Variants in FOXP1 observed in about 807,000 individuals in gnomAD.
FOXP1 encodes forkhead box protein P1.
In FOXP1, 15 loss-of-function variants were observed where a neutral mutation model predicts 98.2. The ratio of observed to expected loss-of-function variants is 0.15; its 90% confidence interval spans 0.10 to 0.24. FOXP1 has a LOEUF of 0.24. Among genes scored for constraint, FOXP1 ranks in the 10% least tolerant of loss-of-function variants. FOXP1 has a pLI of 1.00. For missense variants in FOXP1, 633 were observed against 848.5 expected, an observed-to-expected ratio of 0.75 and a Z score of 3.15; for synonymous variants, 371 against 314.5, an observed-to-expected ratio of 1.18 and a Z score of -1.90.
chr3:71,420,969 T>C (rs1465974702), intron 3 of FOXP1, among the ~76,000 whole-genome samples: 1 of 152,140 alleles, frequency 6.6e-6, no homozygotes, highest in African/African-American at 2.4e-5. Flanking sequence ...CTATGCCCAG[T>C]GAATGAAATC....
rs551972809 is a variant in FOXP1 at position 71,546,885 on chromosome 3, T to G, written c.-298+34664A>C. Among the ~76,000 whole-genome samples the G allele has an allele frequency of 3.8e-4, 58 of 152,106 alleles. 1 individual carries two copies. Among genetic ancestry groups the G allele is most frequent in the African/African-American group, 1.3e-3 (54 of 41,496 alleles). On this transcript the variant is annotated intron_variant, in intron 2 of 20. Transcript: ENST00000649528. ...TTGAGCTTTCATCTGAAAATAAAACTGAAGGGTCAATTTTCATCATGAGCT... is the reference window on the plus strand; with the variant it reads ...TTGAGCTTTCATCTGAAAATAAAACGGAAGGGTCAATTTTCATCATGAGCT...
chr3:71,183,961 T>C (rs563764679), intron 6 of FOXP1, among the ~76,000 whole-genome samples: 62 of 152,292 alleles, frequency 4.1e-4, no homozygotes, highest in South Asian at 1.2e-3. Context: ...GAGACCAGCC[T>C]GACCAACATG....
intron 6 of FOXP1, among the ~76,000 whole-genome samples, chr3:71,125,988 T>C (rs895032580): frequency 6.6e-6 from 1 of 152,182 alleles, no homozygotes; most frequent in Non-Finnish European, 1.5e-5. Context: ...GTCAAATTGA[T>C]ACATGTAAAG....
intron 6 of FOXP1, among the ~76,000 whole-genome samples, chr3:71,144,305 G>A (rs942878606): frequency 6.6e-6 from 1 of 152,198 alleles, no homozygotes; most frequent in Non-Finnish European, 1.5e-5. Flanking sequence ...TCTCAGGGCT[G>A]GAGAATGAGC....
At chr3:71,428,631 C>T (rs900267942) in intron 3 of FOXP1, among the ~76,000 whole-genome samples, 21 of 152,300 alleles carry the variant, frequency 1.4e-4, no homozygotes, top group East Asian at 1.9e-4. Flanking sequence ...AAGAGGCCCC[C>T]CTATGAAATG....
At chr3:71,202,161 C>T (rs978880692) in intron 5 of FOXP1, among the ~76,000 whole-genome samples, 2 of 152,188 alleles carry the variant, frequency 1.3e-5, no homozygotes, top group African/African-American at 2.4e-5. Context: ...GCCAAGTCCT[C>T]CAGTACAAGT....
At chr3:71,277,431 C>T (rs1320966516) in intron 5 of FOXP1, among the ~76,000 whole-genome samples, 2 of 152,004 alleles carry the variant, frequency 1.3e-5, no homozygotes, top group African/African-American at 4.8e-5. Flanking sequence ...TGCATATATA[C>T]AGCACAATTT....
In FOXP1 at chr3:71,335,445, A is replaced by T. The variant is rs147708613; in HGVS notation, c.-73+23705T>A. Among the ~76,000 whole-genome samples the T allele has an allele frequency of 1.9e-3, 294 of 152,302 alleles. 1 individual carries two copies. Among genetic ancestry groups the T allele is most frequent in the African/African-American group, 6.9e-3 (285 of 41,560 alleles). The stretch of plus-strand genomic sequence containing the variant: ...AAATAAGCAGATGGGCAATTATGGG[A>T]TATTCTAATGCTACCATCCCCTTTG... On this transcript the variant is annotated intron_variant, in intron 4 of 20. Transcript: ENST00000649528.
At chr3:71,027,027 T>C (rs183931361) in intron 11 of FOXP1, among the ~76,000 whole-genome samples, 90 of 152,360 alleles carry the variant, frequency 5.9e-4, no homozygotes, top group African/African-American at 2.1e-3. Flanking sequence ...AGTTTACCAC[T>C]GGCAGTATTA....
chr3:71,481,679 T>C lies in FOXP1; in HGVS notation c.-168+11747A>G, dbSNP rs192359431. Among the ~76,000 whole-genome samples the C allele has an allele frequency of 2.4e-4, 37 of 152,264 alleles. No individual in the cohort carries two copies. The East Asian group carries it at 5.4e-3, about 22-fold the overall frequency. On this transcript the variant is annotated intron_variant, in intron 3 of 20. Transcript: ENST00000649528. Reference sequence around the variant, plus strand: ...TTCTGACTTGGTGACAATCAGAAACTTTTTCTCTTTCATATTCAAGTCAGT... The same window carrying C: ...TTCTGACTTGGTGACAATCAGAAACCTTTTCTCTTTCATATTCAAGTCAGT...
At chr3:71,095,895 AT>A (rs2056408917) in intron 7 of FOXP1, among the ~76,000 whole-genome samples, 1 of 152,232 alleles carries the variant, frequency 6.6e-6, no homozygotes, top group Non-Finnish European at 1.5e-5. Flanking sequence ...TGAACTGTAC[AT>A]TTTAAATCTC....
At chr3:71,178,790 A>T (rs2062101304) in intron 6 of FOXP1, among the ~76,000 whole-genome samples, 1 of 151,978 alleles carries the variant, frequency 6.6e-6, no homozygotes. Context: ...AGGCTGAAGC[A>T]GGAGAATGGC....
chr3:71,306,290 C>CA, intron 4 of FOXP1, among the ~76,000 whole-genome samples: 2 of 152,134 alleles, frequency 1.3e-5, no homozygotes, highest in Non-Finnish European at 2.9e-5. Flanking sequence ...ATTAAGAACT[C>CA]ACTCGTGGGG....
At chr3:71,464,867 G>GC (rs1360244627) in intron 3 of FOXP1, among the ~76,000 whole-genome samples, 1 of 152,154 alleles carries the variant, frequency 6.6e-6, no homozygotes, top group Non-Finnish European at 1.5e-5. Context: ...TCTCCAAACT[G>GC]CCCCCCTTCC....
At chr3:71,576,384 A>G (rs551127292) in intron 2 of FOXP1, among the ~76,000 whole-genome samples, 1 of 152,230 alleles carries the variant, frequency 6.6e-6, no homozygotes, top group Non-Finnish European at 1.5e-5. Context: ...AAGTGCAATT[A>G]GCTTTGCACA....
intron 2 of FOXP1, among the ~76,000 whole-genome samples, chr3:71,580,642 C>T (rs1271955657): frequency 2.0e-5 from 3 of 151,798 alleles, no homozygotes; most frequent in Non-Finnish European, 4.4e-5. Flanking sequence ...TTACACATCT[C>T]CCTCCAAATT....
chr3:71,246,412 G>C (rs1407984067), intron 5 of FOXP1, among the ~76,000 whole-genome samples: 2 of 152,170 alleles, frequency 1.3e-5, no homozygotes, highest in African/African-American at 2.4e-5. Flanking sequence ...AAGCCAGGCT[G>C]ATCTAGCAAA....
chr3:71,123,198 G>A (rs2058909685), intron 6 of FOXP1, among the ~76,000 whole-genome samples: 1 of 152,028 alleles, frequency 6.6e-6, no homozygotes, highest in Non-Finnish European at 1.5e-5. Flanking sequence ...ATTCCTTCAA[G>A]CAGCAGTGTC....
intron 6 of FOXP1, among the ~76,000 whole-genome samples, chr3:71,152,742 G>C (rs982906292): frequency 6.6e-6 from 1 of 152,164 alleles, no homozygotes; most frequent in Non-Finnish European, 1.5e-5. Context: ...GAGATTAAAA[G>C]AGACAACACT....
Sources: gnomAD v4.1 joint callset for allele counts (sites outside exome capture counted in the v4.1 genomes callset) on GRCh38, gnomAD v4.1.1 for gene constraint, MANE v1.5 for transcripts, NCBI Gene and HGNC (gene_info 2026-07-23, HGNC 2026-07-21) for gene names.